DLD: variants seen among roughly 807,000 people sequenced by gnomAD.
DLD encodes the protein dihydrolipoyl dehydrogenase, mitochondrial.
A neutral mutation model predicts 62.2 loss-of-function variants in DLD; 36 were observed. The observed-to-expected ratio is 0.58, with a 90% CI of 0.44 to 0.76. The LOEUF (loss-of-function observed/expected upper bound fraction) is 0.76. DLD is among the 30% of genes least tolerant of loss of function. The probability of loss-of-function intolerance (pLI) is 0.00; values close to 1 mark genes in which losing one functional copy is unlikely to be tolerated. For synonymous variants in DLD, 204 were observed against 199.6 expected, an observed-to-expected ratio of 1.02 and a Z score of -0.19; for missense variants, 541 against 608.6, an observed-to-expected ratio of 0.89 and a Z score of 1.17.
intron 8 of DLD, among the ~76,000 whole-genome samples, chr7:107,911,589 G>A (rs766882974): frequency 3.9e-5 from 6 of 151,986 alleles, no homozygotes; most frequent in African/African-American, 7.2e-5. Flanking sequence ...CACCAGCAAC[G>A]TAAATTTTTG....
Position 107,919,998 on chromosome 7 carries a change from G to A in DLD, c.*739G>A, listed in dbSNP as rs181103944. On this transcript the variant is annotated 3_prime_UTR_variant, in exon 14 of 14. Coordinates refer to ENST00000205402, the MANE Select transcript of DLD (RefSeq NM_000108.5). ...GTTATCATGAGTACGTGTTGAGATG[G>A]TCATAGTTTTTTTTATGACTACTTC... 26 of 152,366 alleles carry A rather than the reference G, an allele frequency of 1.7e-4. No homozygotes were observed. In the East Asian group the frequency reaches 4.3e-3, roughly 25 times the overall value. The allele number at this position is 152,366 out of a possible 1,614,324, so 9.4% of individuals were successfully genotyped here.
chr7:107,891,582 G>A (rs1372348456), intron 1 of DLD: 2 of 572,132 alleles, frequency 3.5e-6, no homozygotes, highest in African/African-American at 1.9e-5. Flanking sequence ...GGGCCATCCC[G>A]GTCACACATA....
chr7:107,892,135 A>T (rs1309056652), intron 1 of DLD, among the ~76,000 whole-genome samples: 1 of 152,152 alleles, frequency 6.6e-6, no homozygotes, highest in Non-Finnish European at 1.5e-5. Flanking sequence ...TCCTGACCTC[A>T]AATGTTAAGA....
chr7:107,905,357 A>G lies in DLD; in HGVS notation c.439-4A>G, dbSNP rs1270309743. On this transcript the variant is annotated splice_region_variant and splice_polypyrimidine_tract_variant and intron_variant, in intron 6 of 13. Transcript: ENST00000205402. Reference sequence around the variant, plus strand: ...TGTGAATTTATAAAGATTATTTTGTAAAGGTTGTTCATGTCAATGGATATG... The same window carrying G: ...TGTGAATTTATAAAGATTATTTTGTGAAGGTTGTTCATGTCAATGGATATG... 6.2e-7 allele frequency: 1 copy of G among 1,612,054 alleles called. No homozygotes were observed. The highest frequency in any genetic ancestry group is 8.5e-7 in the Non-Finnish European group (1 of 1,178,236).
intron 5 of DLD, chr7:107,904,576 G>T: frequency 2.5e-6 from 1 of 405,848 alleles, no homozygotes; most frequent in Admixed American, 3.4e-5. Context: ...TTTTTTATTT[G>T]TTTTGTTTCA....
intron 1 of DLD, 27 bp from the exon 2 acceptor site, chr7:107,893,173 C>T (rs754182198): frequency 6.3e-7 from 1 of 1,592,668 alleles, no homozygotes; most frequent in Non-Finnish European, 8.6e-7. Flanking sequence ...TCATATCTTA[C>T]ATAATAGGGA....
chr7:107,893,807 G>A (rs2031650592), intron 2 of DLD, among the ~76,000 whole-genome samples: 1 of 152,216 alleles, frequency 6.6e-6, no homozygotes, highest in Non-Finnish European at 1.5e-5. Flanking sequence ...GACAGATCAT[G>A]GAGTGCCTTG....
At chr7:107,892,893 C>T (rs764410172) in intron 1 of DLD, among the ~76,000 whole-genome samples, 2 of 152,070 alleles carry the variant, frequency 1.3e-5, no homozygotes, top group Non-Finnish European at 2.9e-5. Context: ...AATAATTAGC[C>T]ATGTTTTCTG....
At position 107,891,387 on chromosome 7, in the gene DLD, G is replaced by GC. The variant is rs11373214; in HGVS notation, c.39+99dup. ...GCTTAACCGTGTTGGGCTGGCGGAG[G>GC]CGGGCGCCTGGGCCGCACCACCCCT... On this transcript the variant is annotated intron_variant, in intron 1 of 13. Coordinates refer to ENST00000205402, the MANE Select transcript of DLD (RefSeq NM_000108.5). 1,428,207 of 1,428,234 alleles carry GC rather than the reference G, an allele frequency of 1. 714,090 individuals are homozygous for GC. Among genetic ancestry groups the GC allele is most frequent in the Middle Eastern group, 1 (5,510 of 5,510 alleles). 88.5% of individuals were successfully genotyped at this position (1,428,234 alleles called of 1,614,324 possible). A position where few individuals can be genotyped will look rare whatever the true frequency, so the allele number is the denominator to read the frequency against.
intron 1 of DLD, among the ~76,000 whole-genome samples, chr7:107,891,840 A>G (rs1355433183): frequency 6.6e-6 from 1 of 152,136 alleles, no homozygotes; most frequent in Non-Finnish European, 1.5e-5. Flanking sequence ...ATCTCTCACG[A>G]CTTCCTGGAG....
At chr7:107,898,003 G>A (rs1282200629) in intron 2 of DLD, among the ~76,000 whole-genome samples, 1 of 152,102 alleles carries the variant, frequency 6.6e-6, no homozygotes, top group Non-Finnish European at 1.5e-5. Flanking sequence ...GTAGGAATTT[G>A]TAGAGTACTT....
intron 1 of DLD, among the ~76,000 whole-genome samples, chr7:107,892,373 T>G (rs1054926998): frequency 6.6e-6 from 1 of 152,234 alleles, no homozygotes; most frequent in Admixed American, 6.5e-5. Flanking sequence ...TTGTCTAATT[T>G]GCTATTCCTA....
chr7:107,917,536 T>C, intron 11 of DLD, 74 bp downstream of exon 11: 3 of 1,367,108 alleles, frequency 2.2e-6, no homozygotes, highest in Non-Finnish European at 3.1e-6. Flanking sequence ...AGAAACAGCA[T>C]TTTATCATTA....
At chr7:107,904,410 A>C (rs1248926337) in intron 5 of DLD, among the ~76,000 whole-genome samples, 1 of 152,166 alleles carries the variant, frequency 6.6e-6, no homozygotes, top group African/African-American at 2.4e-5. Flanking sequence ...GGTACTTTCT[A>C]AGATACCCTT....
At position 107,919,258 on chromosome 7, in the gene DLD, G is replaced by T; in HGVS notation, c.1529G>T (p.Ter510LeuextTer17). 6.2e-7 allele frequency: 1 copy of T among 1,607,098 alleles called. No homozygotes were observed. Residue 510 changes from the stop codon to leucine, a stop_lost, in exon 14 of 14, where the codon TGA (stop) becomes TTA (leucine). Transcript: ENST00000205402. ...AASFGKSINF[*>L] ...TCATTTGGCAAATCAATCAACTTTTGAATTAGAAGATTATATATATTTTTT... is the reference window on the plus strand; with the variant it reads ...TCATTTGGCAAATCAATCAACTTTTTAATTAGAAGATTATATATATTTTTT...
chr7:107,905,406 G>A lies in DLD; in HGVS notation c.484G>A (p.Val162Ile), dbSNP rs565031860. ...TGGAAAGATAACTGGCAAAAATCAAGTCACTGCTACGAAAGCTGATGGCGG... is the reference window on the plus strand; with the variant it reads ...TGGAAAGATAACTGGCAAAAATCAAATCACTGCTACGAAAGCTGATGGCGG... ...GYGKITGKNQ[V>I]TATKADGGTQ... Residue 162 changes from valine to isoleucine, a missense_variant, in exon 7 of 14, where the codon GTC becomes ATC. By Grantham distance (29) the Val-to-Ile change is conservative (BLOSUM62 3). Transcript: ENST00000205402. 1 of 1,613,786 alleles carries A rather than the reference G, an allele frequency of 6.2e-7. No homozygotes were observed. Among genetic ancestry groups the A allele is most frequent in the Admixed American group, 1.7e-5 (1 of 60,018 alleles).
At chr7:107,911,567 T>G (rs1001172755) in intron 8 of DLD, among the ~76,000 whole-genome samples, 6 of 152,172 alleles carry the variant, frequency 3.9e-5, no homozygotes, top group African/African-American at 1.4e-4. Flanking sequence ...GTTACACTTT[T>G]CCATACAATC....
intron 2 of DLD, among the ~76,000 whole-genome samples, chr7:107,894,191 T>G (rs1298760837): frequency 1.3e-5 from 2 of 152,250 alleles, no homozygotes; most frequent in Non-Finnish European, 2.9e-5. Flanking sequence ...GACCTGTCAG[T>G]ACCAAGGATA....
At chr7:107,906,619 G>A (rs1386510030) in intron 8 of DLD, among the ~76,000 whole-genome samples, 2 of 151,998 alleles carry the variant, frequency 1.3e-5, no homozygotes, top group African/African-American at 2.4e-5. Flanking sequence ...AGAACTGGTC[G>A]AATTCTTTTT....
Sources: gnomAD v4.1 joint callset for allele counts (sites outside exome capture counted in the v4.1 genomes callset) on GRCh38, gnomAD v4.1.1 for gene constraint, MANE v1.5 for transcripts, NCBI Gene and HGNC (gene_info 2026-07-23, HGNC 2026-07-21) for gene names.